NICOL1: variants seen among roughly 807,000 people sequenced by gnomAD.
The protein encoded by NICOL1 is NELL2-interacting cell ontogeny regulator 1.
At chr4:2,042,700 C>A in the NICOL1 span, 3 of 1,316,672 alleles carry the variant, frequency 2.3e-6, no homozygotes, top group African/African-American at 1.5e-5. Flanking sequence ...GTGACCCCCC[C>A]TGCGCCCCCT....
At chr4:2,037,372 GCTTGAGCCA>G in the NICOL1 span, among the ~76,000 whole-genome samples, 3 of 152,186 alleles carry the variant, frequency 2.0e-5, no homozygotes, top group African/African-American at 7.2e-5. Context: ...GGGATTGCAG[GCTTGAGCCA>G]CTGCGCTCAG....
chr4:2,041,712 T>G, the NICOL1 span: 1 of 416,680 alleles, frequency 2.4e-6, no homozygotes, highest in Non-Finnish European at 4.2e-6. Context: ...GGATCGCTCC[T>G]GACCTGCTGA....
chr4:2,037,050 C>T, the NICOL1 span, among the ~76,000 whole-genome samples: 1 of 152,054 alleles, frequency 6.6e-6, no homozygotes, highest in South Asian at 2.1e-4. Flanking sequence ...TTCCCCTTTG[C>T]TGTTCTCATG....
At chr4:2,042,283 C>A in the NICOL1 span, 1 of 457,634 alleles carries the variant, frequency 2.2e-6, no homozygotes, top group Non-Finnish European at 3.4e-6. Context: ...CTCACCGGCC[C>A]GGGGCGGGCG....
chr4:2,040,570 C>G, the NICOL1 span, among the ~76,000 whole-genome samples: 5 of 152,332 alleles, frequency 3.3e-5, no homozygotes, highest in East Asian at 5.8e-4. Flanking sequence ...CGGCTCCCGC[C>G]CCACTGGGGG....
the NICOL1 span, among the ~76,000 whole-genome samples, chr4:2,038,830 G>T: frequency 6.6e-6 from 1 of 152,130 alleles, no homozygotes. Context: ...GTTATTTAGT[G>T]TCTTGCTATA....
the NICOL1 span, among the ~76,000 whole-genome samples, chr4:2,039,226 C>T: frequency 6.6e-6 from 1 of 151,816 alleles, no homozygotes; most frequent in East Asian, 1.9e-4. Flanking sequence ...CCAGCCTGGC[C>T]AACATGGTGA....
chr4:2,038,609 C>T, the NICOL1 span, among the ~76,000 whole-genome samples: 3 of 152,096 alleles, frequency 2.0e-5, no homozygotes, highest in Non-Finnish European at 4.4e-5. Flanking sequence ...TCTGCATATA[C>T]TTAAACAGAA....
the NICOL1 span, among the ~76,000 whole-genome samples, chr4:2,043,468 C>T: frequency 6.6e-6 from 1 of 152,204 alleles, no homozygotes; most frequent in South Asian, 2.1e-4. Flanking sequence ...GGGAACACTC[C>T]AGAGGGCTCC....
chr4:2,043,833 C>A, the NICOL1 span: 1 of 1,542,704 alleles, frequency 6.5e-7, no homozygotes, highest in Non-Finnish European at 8.8e-7. Flanking sequence ...AGCTGGGCTG[C>A]ACCCTCACCC....
the NICOL1 span, chr4:2,043,793 G>T: frequency 5.5e-5 from 76 of 1,375,190 alleles, no homozygotes; most frequent in African/African-American, 8.6e-5. Flanking sequence ...TGCCTTGGGT[G>T]GGTGGAGGCC....
At chr4:2,042,277 C>G in the NICOL1 span, 1 of 967,198 alleles carries the variant, frequency 1.0e-6, no homozygotes, top group Non-Finnish European at 1.4e-6. Context: ...CGGGGGCTCA[C>G]CGGCCCGGGG....
At chr4:2,041,044 G>A in the NICOL1 span, among the ~76,000 whole-genome samples, 1 of 151,964 alleles carries the variant, frequency 6.6e-6, no homozygotes, top group Non-Finnish European at 1.5e-5. Context: ...CGGCGAGCGG[G>A]GCGGCCTCCA....
At chr4:2,038,779 C>T in the NICOL1 span, among the ~76,000 whole-genome samples, 42 of 152,288 alleles carry the variant, frequency 2.8e-4, no homozygotes, top group South Asian at 8.3e-3. Context: ...ATTATTTCTT[C>T]TGTACTTCTG....
chr4:2,042,798 A>G, the NICOL1 span: 1 of 1,514,672 alleles, frequency 6.6e-7, no homozygotes, highest in Non-Finnish European at 8.8e-7. Context: ...GGACCTGCGG[A>G]AGACAGCCTG....
At chr4:2,042,355 G>A in the NICOL1 span, 1 of 509,906 alleles carries the variant, frequency 2.0e-6, no homozygotes, top group Non-Finnish European at 3.4e-6. Flanking sequence ...GCTGGCCATG[G>A]CCCCCCCGCC....
the NICOL1 span, among the ~76,000 whole-genome samples, chr4:2,040,001 G>A: frequency 1.3e-5 from 2 of 152,034 alleles, no homozygotes; most frequent in African/African-American, 4.8e-5. Flanking sequence ...ATTTAGGAAG[G>A]AAACAGAAAC....
chr4:2,039,028 A>C, the NICOL1 span, among the ~76,000 whole-genome samples: 1 of 152,268 alleles, frequency 6.6e-6, no homozygotes, highest in African/African-American at 2.4e-5. Context: ...TGAATAACAC[A>C]AGTGAGATTT....
At chr4:2,039,132 G>A in the NICOL1 span, among the ~76,000 whole-genome samples, 1 of 152,134 alleles carries the variant, frequency 6.6e-6, no homozygotes, top group Non-Finnish European at 1.5e-5. Context: ...AATACATTAT[G>A]GCTGAACTCG....
Sources: allele counts gnomAD v4.1 joint callset (sites outside exome capture counted in the v4.1 genomes callset), GRCh38; gene constraint gnomAD v4.1.1; transcripts MANE v1.5; gene names NCBI Gene and HGNC (gene_info 2026-07-23, HGNC 2026-07-21).